Variants in TTLL7 observed in about 807,000 individuals in gnomAD.
TTLL7 encodes the protein tubulin tyrosine ligase like 7.
TTLL7 carries 53 observed loss-of-function variants against 120.2 expected under a neutral mutation model. The observed-to-expected ratio is 0.44, with a 90% CI of 0.35 to 0.55. The LOEUF (loss-of-function observed/expected upper bound fraction) is 0.55. TTLL7 is among the 20% of genes least tolerant of loss of function. The pLI, the probability that TTLL7 is intolerant of heterozygous loss-of-function variation, is 0.00. For synonymous variants in TTLL7, 353 were observed against 351.7 expected, an observed-to-expected ratio of 1.00 and a Z score of -0.04; for missense variants, 803 against 1,054.7, an observed-to-expected ratio of 0.76 and a Z score of 3.31.
intron 1 of TTLL7, among the ~76,000 whole-genome samples, chr1:83,986,881 T>C (rs1267278496): frequency 2.6e-5 from 4 of 152,120 alleles, no homozygotes; most frequent in Non-Finnish European, 4.4e-5. Flanking sequence ...ATGTCCACTC[T>C]CACCACTTTT....
At chr1:83,892,918 GAA>G (rs1254883728) in intron 18 of TTLL7, among the ~76,000 whole-genome samples, 5 of 109,976 alleles carry the variant, frequency 4.5e-5, no homozygotes, top group South Asian at 6.3e-4. Context: ...AAAGAAAAAA[GAA>G]AGAAAAAGAG....
intron 10 of TTLL7, among the ~76,000 whole-genome samples, chr1:83,925,005 CA>C (rs1658994789): frequency 6.6e-6 from 1 of 152,126 alleles, no homozygotes; most frequent in Non-Finnish European, 1.5e-5. Context: ...CTTTATCAGA[CA>C]ATGTGGAAAC....
At chr1:83,970,163 T>C (rs1311398960) in intron 1 of TTLL7, among the ~76,000 whole-genome samples, 1 of 152,094 alleles carries the variant, frequency 6.6e-6, no homozygotes, top group African/African-American at 2.4e-5. Context: ...TGATTCCTAA[T>C]TAGTACACAA....
At chr1:83,886,140 T>C (rs912481315) in intron 19 of TTLL7, among the ~76,000 whole-genome samples, 5 of 152,060 alleles carry the variant, frequency 3.3e-5, no homozygotes, top group Non-Finnish European at 7.4e-5. Flanking sequence ...ATCCTCACAT[T>C]ATCCAGTAAT....
intron 1 of TTLL7, among the ~76,000 whole-genome samples, chr1:83,982,980 C>A (rs1652106475): frequency 6.6e-6 from 1 of 152,104 alleles, no homozygotes; most frequent in Admixed American, 6.5e-5. Context: ...GAACAGAGAA[C>A]ACAGAAATAA....
intron 18 of TTLL7, among the ~76,000 whole-genome samples, chr1:83,892,712 G>T (rs1235662846): frequency 3.3e-5 from 1 of 30,634 alleles, no homozygotes; most frequent in Non-Finnish European, 5.9e-5. Context: ...ATGAACATAT[G>T]AACATATATA....
At chr1:83,917,062 C>A (rs1658253912) in intron 14 of TTLL7, among the ~76,000 whole-genome samples, 1 of 146,818 alleles carries the variant, frequency 6.8e-6, no homozygotes, top group Non-Finnish European at 1.5e-5. Context: ...GAACATACCA[C>A]TGGACTTTAA....
chr1:83,917,590 G>C lies in TTLL7; in HGVS notation c.1587+14C>G, dbSNP rs755398266. 2.5e-6 allele frequency: 4 copies of C among 1,570,550 alleles called. No homozygotes were observed. The highest frequency in any genetic ancestry group is 3.5e-6 in the Non-Finnish European group (4 of 1,140,650). ...TCTACTTTGATAAGTAAGGAAGGTA[G>C]AGATATACTGCACCTTTGGTCCTCG... On this transcript the variant is annotated intron_variant, in intron 14 of 20. Coordinates refer to ENST00000260505, the MANE Select transcript of TTLL7 (RefSeq NM_024686.6).
At chr1:83,954,771 T>C (rs951971022) in intron 1 of TTLL7, among the ~76,000 whole-genome samples, 3 of 148,672 alleles carry the variant, frequency 2.0e-5, no homozygotes, top group Non-Finnish European at 4.5e-5. Context: ...CACATGAAAT[T>C]ATAAGAAAAA....
chr1:83,883,037 C>T lies in TTLL7; in HGVS notation c.2469G>A (p.Leu823=), dbSNP rs774501398. Residue 823 remains leucine, a synonymous_variant, in exon 20 of 21, where the codon CTG becomes CTA. Coordinates refer to ENST00000260505, the MANE Select transcript of TTLL7 (RefSeq NM_024686.6). ...CAGTTGCATATTTGTAAACCACTAG[C>T]AGGCACTGTTTACAAAGCTCCACTA... The part of the protein sequence containing the change: ...QRLVELCKQC[L]LVVYKYATDK... The T allele has an allele frequency of 6.2e-7, 1 of 1,612,814 alleles. No individual in the cohort carries two copies. Among genetic ancestry groups the T allele is most frequent in the Non-Finnish European group, 8.5e-7 (1 of 1,179,202 alleles).
chr1:83,919,779 C>T lies in TTLL7; in HGVS notation c.1420G>A (p.Ala474Thr). ...GAAAGGAAGGTCTGAAAGGCAACAG[C>T]TAACAAATTTTCATACTTTTCAAGT... Reference protein sequence around the residue: ...ALLEKYENLLAVAFQTFLSGR... With the variant: ...ALLEKYENLLTVAFQTFLSGR... The change falls in exon 13 of 21, where the codon GCT becomes ACT. Residue 474 changes from alanine to threonine, a missense_variant. Physicochemically the swap from Ala to Thr is moderately conservative, Grantham distance 58. Transcript: ENST00000260505. 1 of 1,612,984 alleles carries T rather than the reference C, an allele frequency of 6.2e-7. No individual in the cohort carries two copies. Among genetic ancestry groups the T allele is most frequent in the Non-Finnish European group, 8.5e-7 (1 of 1,179,414 alleles).
intron 20 of TTLL7, among the ~76,000 whole-genome samples, chr1:83,873,206 G>A (rs1051704105): frequency 2.6e-5 from 4 of 151,942 alleles, no homozygotes; most frequent in Non-Finnish European, 5.9e-5. Context: ...AAAGAAGTTC[G>A]GCATGAACTA....
At chr1:83,929,826 T>A (rs1659447073) in intron 9 of TTLL7, among the ~76,000 whole-genome samples, 1 of 152,294 alleles carries the variant, frequency 6.6e-6, no homozygotes, top group East Asian at 1.9e-4. Flanking sequence ...TAAGAAAATT[T>A]CTTAATCAGT....
Position 83,953,842 on chromosome 1 carries a change from T to C in TTLL7, c.-176-1455A>G, listed in dbSNP as rs80188852. The stretch of plus-strand genomic sequence containing the variant: ...CATAATATATAGACATATGAGAAGT[T>C]TCCAACCCTACTGCAGTACATGCCG... On this transcript the variant is annotated intron_variant, in intron 1 of 20. Transcript: ENST00000260505. Among the ~76,000 whole-genome samples, 804 of 152,236 alleles carry C rather than the reference T, an allele frequency of 5.3e-3. 5 individuals are homozygous for C. Among genetic ancestry groups the C allele is most frequent in the Non-Finnish European group, 8.7e-3 (594 of 68,018 alleles).
intron 19 of TTLL7, among the ~76,000 whole-genome samples, chr1:83,887,623 A>T (rs1166507778): frequency 3.3e-5 from 5 of 152,124 alleles, no homozygotes; most frequent in African/African-American, 1.2e-4. Flanking sequence ...CTGCACAGGC[A>T]TAGTAGGCTA....
At position 83,868,950 on chromosome 1, in the gene TTLL7, T is replaced by A. The variant is rs1389487599; in HGVS notation, c.*1012A>T. Reference sequence around the variant, plus strand: ...TTATTTATTTATTTTTATCTTCTTTTTATTTATTTATTTATTTTATTTTAT... The same window carrying A: ...TTATTTATTTATTTTTATCTTCTTTATATTTATTTATTTATTTTATTTTAT... On this transcript the variant is annotated 3_prime_UTR_variant, in exon 21 of 21. Coordinates refer to ENST00000260505, the MANE Select transcript of TTLL7 (RefSeq NM_024686.6). 2 of 150,032 alleles carry A rather than the reference T, an allele frequency of 1.3e-5. No homozygotes were observed. The highest frequency in any genetic ancestry group is 4.9e-5 in the African/African-American group (2 of 41,160). 9.3% of individuals were successfully genotyped at this position (150,032 alleles called of 1,614,324 possible). A position where few individuals can be genotyped will look rare whatever the true frequency, so the allele number is the denominator to read the frequency against.
chr1:83,940,360 CA>C (rs1647839018), intron 7 of TTLL7, among the ~76,000 whole-genome samples: 1 of 152,262 alleles, frequency 6.6e-6, no homozygotes, highest in South Asian at 2.1e-4. Context: ...TATGTATTGA[CA>C]AGTCTCAAAT....
intron 1 of TTLL7, among the ~76,000 whole-genome samples, chr1:83,985,773 T>C (rs1429698034): frequency 6.6e-6 from 1 of 151,778 alleles, no homozygotes; most frequent in African/African-American, 2.4e-5. Context: ...TAAGGGAAAA[T>C]TATGAATAAC....
rs1648859015 is a variant in TTLL7 at position 83,949,689 on chromosome 1, A to G, written c.279+176T>C. 2.1e-5 allele frequency: 13 copies of G among 614,114 alleles called. No homozygotes were observed. The South Asian group carries it at 3.0e-4, about 14-fold the overall frequency. The allele number at this position is 614,114 out of a possible 1,614,324, so 38.0% of individuals were successfully genotyped here. ...AAAGAGGTTAAAACTTAAGTCTGCA[A>G]AAGATGCAGGCTTCATGCAAAGAGC... On this transcript the variant is annotated intron_variant, in intron 4 of 20. Coordinates refer to ENST00000260505, the MANE Select transcript of TTLL7 (RefSeq NM_024686.6).
Sources: allele counts gnomAD v4.1 joint callset (sites outside exome capture counted in the v4.1 genomes callset), GRCh38; gene constraint gnomAD v4.1.1; transcripts MANE v1.5; gene names NCBI Gene and HGNC (gene_info 2026-07-23, HGNC 2026-07-21).